The following DHRS7B variants were observed in gnomAD, a reference collection of about 807,000 sequenced individuals.
DHRS7B encodes the protein peroxisomal reductase activating PPAR-gamma.
A neutral mutation model predicts 26.4 loss-of-function variants in DHRS7B; 24 were observed. The observed-to-expected ratio is 0.91, with a 90% CI of 0.66 to 1.28. The LOEUF (loss-of-function observed/expected upper bound fraction) is 1.28, where lower values mean the gene tolerates loss of function less well. Among genes scored for constraint, DHRS7B ranks in the 50% most tolerant of loss-of-function variants. DHRS7B has a pLI of 0.00. For missense variants in DHRS7B, 368 were observed against 419.4 expected, an observed-to-expected ratio of 0.88 and a Z score of 1.07; for synonymous variants, 142 against 166.4, an observed-to-expected ratio of 0.85 and a Z score of 1.13.
At chr17:21,181,377 C>T (rs998599358) in intron 3 of DHRS7B, among the ~76,000 whole-genome samples, 1 of 152,158 alleles carries the variant, frequency 6.6e-6, no homozygotes, top group Non-Finnish European at 1.5e-5. Context: ...TGAGCCACTG[C>T]GCCTCGCCGG....
chr17:21,177,228 C>T (rs184986736), intron 2 of DHRS7B, among the ~76,000 whole-genome samples: 36 of 152,314 alleles, frequency 2.4e-4, no homozygotes, highest in Middle Eastern at 3.4e-3. Context: ...GGGGCCTGCC[C>T]GCGTGTGAGA....
At chr17:21,152,353 C>T (rs1055118470) in intron 1 of DHRS7B, among the ~76,000 whole-genome samples, 1 of 152,118 alleles carries the variant, frequency 6.6e-6, no homozygotes, top group African/African-American at 2.4e-5. Flanking sequence ...CGGGATTTCA[C>T]CACATTGCCC....
chr17:21,134,086 G>T (rs1048393597), intron 1 of DHRS7B, among the ~76,000 whole-genome samples: 18 of 151,798 alleles, frequency 1.2e-4, no homozygotes, highest in Admixed American at 9.2e-4. Context: ...AGAAAAATTA[G>T]AATTCAGTTC....
At chr17:21,150,105 T>TAAAAA (rs61516968) in intron 1 of DHRS7B, among the ~76,000 whole-genome samples, 7 of 50,024 alleles carry the variant, frequency 1.4e-4, no homozygotes, top group Middle Eastern at 0.015. Context: ...CATCTCTATT[T>TAAAAA]AAAAAAAAAA....
intron 3 of DHRS7B, among the ~76,000 whole-genome samples, chr17:21,178,935 G>A (rs531781687): frequency 2.6e-5 from 4 of 151,886 alleles, no homozygotes; most frequent in South Asian, 4.2e-4. Flanking sequence ...TTACAGGCGT[G>A]AGCCACCAGT....
At position 21,183,813 on chromosome 17, in the gene DHRS7B, AAC is replaced by A; in HGVS notation, c.526+5_526+6del. On this transcript the variant is annotated splice_donor_5th_base_variant and intron_variant, in intron 4 of 6. Coordinates refer to ENST00000395511, the MANE Select transcript of DHRS7B (RefSeq NM_015510.5). ...TGGCCCAGTTGCTCTAACGAAAGGT[AAC>A]AGTCTTGAGAAAAGAGCAGTGATAA... 1.2e-6 allele frequency: 2 copies of A among 1,612,976 alleles called. No homozygotes were observed. The highest frequency in any genetic ancestry group is 1.7e-6 in the Non-Finnish European group (2 of 1,178,906).
At chr17:21,183,122 T>G (rs1974549990) in intron 3 of DHRS7B, among the ~76,000 whole-genome samples, 1 of 152,184 alleles carries the variant, frequency 6.6e-6, no homozygotes, top group African/African-American at 2.4e-5. Context: ...GTAATTTGTG[T>G]TTTTCAAGGA....
At chr17:21,159,034 T>C (rs1973939353) in intron 1 of DHRS7B, among the ~76,000 whole-genome samples, 1 of 151,184 alleles carries the variant, frequency 6.6e-6, no homozygotes, top group Non-Finnish European at 1.5e-5. Context: ...TAGACCTAAA[T>C]GTAAAATGCA....
intron 1 of DHRS7B, among the ~76,000 whole-genome samples, chr17:21,151,216 C>T (rs2143996403): frequency 6.6e-6 from 1 of 152,190 alleles, no homozygotes; most frequent in Middle Eastern, 3.4e-3. Context: ...TTAGAAGTTG[C>T]CACTTCTAGG....
intron 1 of DHRS7B, among the ~76,000 whole-genome samples, chr17:21,137,807 C>G (rs1973381062): frequency 6.6e-6 from 1 of 150,964 alleles, no homozygotes; most frequent in Non-Finnish European, 1.5e-5. Context: ...ACCATGTTAG[C>G]CAGGATGGTC....
intron 1 of DHRS7B, among the ~76,000 whole-genome samples, chr17:21,158,378 G>C (rs1442768065): frequency 6.6e-6 from 1 of 152,190 alleles, no homozygotes; most frequent in African/African-American, 2.4e-5. Flanking sequence ...AATCATTTAT[G>C]TAAAAACTCT....
At chr17:21,140,538 A>ACACACACACACACACAC (rs972677956) in intron 1 of DHRS7B, among the ~76,000 whole-genome samples, 2 of 134,754 alleles carry the variant, frequency 1.5e-5, no homozygotes, top group Non-Finnish European at 3.2e-5. Context: ...ACACACACAC[A>ACACACACACACACACAC]CCCTGACACC....
At chr17:21,166,540 CAA>C (rs56142443) in intron 1 of DHRS7B, 73,052 of 613,024 alleles carry the variant, frequency 0.12, no homozygotes, top group Non-Finnish European at 0.14. Context: ...CATTTGAGAC[CAA>C]AAAAAAAAAA....
intron 1 of DHRS7B, among the ~76,000 whole-genome samples, chr17:21,167,057 C>T (rs1487917549): frequency 2.0e-5 from 3 of 151,758 alleles, no homozygotes; most frequent in South Asian, 4.2e-4. Flanking sequence ...GAACGGATTC[C>T]GTCTGTGAAA....
chr17:21,130,857 CT>C (rs1175068713), intron 1 of DHRS7B, among the ~76,000 whole-genome samples: 1 of 152,150 alleles, frequency 6.6e-6, no homozygotes, highest in African/African-American at 2.4e-5. Flanking sequence ...AAAATGAACT[CT>C]CTATTCTGGA....
intron 1 of DHRS7B, 38 bp from the exon 2 acceptor site, chr17:21,171,980 T>C: frequency 6.2e-7 from 1 of 1,613,816 alleles, no homozygotes. Flanking sequence ...TGAACTCTGC[T>C]ACTTTGTCAC....
chr17:21,179,975 A>G (rs1477322620), intron 3 of DHRS7B, among the ~76,000 whole-genome samples: 3 of 150,886 alleles, frequency 2.0e-5, no homozygotes, highest in Non-Finnish European at 4.4e-5. Context: ...CATATTGGTC[A>G]GGCTGGTCTC....
chr17:21,136,096 C>T (rs573679461), intron 1 of DHRS7B, among the ~76,000 whole-genome samples: 5 of 152,016 alleles, frequency 3.3e-5, no homozygotes, highest in East Asian at 1.9e-4. Flanking sequence ...GTCAGGAGTT[C>T]GAGACTAGCC....
rs1307649355 is a variant in DHRS7B at position 21,186,885 on chromosome 17, TAAG to T, written c.620-1822_620-1820del. ...CCTGGACATTTGTCAAAATGAGACA[TAAG>T]AAGGCAGGTTTGGATTTTTTACACC... On this transcript the variant is annotated intron_variant, in intron 5 of 6. Transcript: ENST00000395511. 3.9e-5 allele frequency among the ~76,000 whole-genome samples: 6 copies of T among 152,168 alleles called. 1 individual carries two copies. In the East Asian group the frequency reaches 1.2e-3, roughly 29 times the overall value.
Sources: allele counts gnomAD v4.1 joint callset (sites outside exome capture counted in the v4.1 genomes callset), GRCh38; gene constraint gnomAD v4.1.1; transcripts MANE v1.5; gene names NCBI Gene and HGNC (gene_info 2026-07-23, HGNC 2026-07-21).